The following DCAF1 variants were observed in gnomAD, a reference collection of about 807,000 sequenced individuals.
DCAF1 encodes DDB1 and CUL4 associated factor 1.
In DCAF1, 15 loss-of-function variants were observed where a neutral mutation model predicts 128.0. The ratio of observed to expected loss-of-function variants is 0.12; its 90% confidence interval spans 0.08 to 0.18. The LOEUF is 0.18. Ranked by LOEUF, DCAF1 falls within the 10% of genes least tolerant of loss-of-function variation. DCAF1 has a pLI of 1.00. For synonymous variants in DCAF1, 610 were observed against 603.0 expected, an observed-to-expected ratio of 1.01 and a Z score of -0.17; for missense variants, 988 against 1,649.5, an observed-to-expected ratio of 0.60 and a Z score of 6.95.
At chr3:51,458,808 A>G (rs1234145544) in intron 6 of DCAF1, among the ~76,000 whole-genome samples, 1 of 152,228 alleles carries the variant, frequency 6.6e-6, no homozygotes, top group Non-Finnish European at 1.5e-5. Context: ...CTGCTCCTGA[A>G]TGACTACTAG....
intron 24 of DCAF1, among the ~76,000 whole-genome samples, chr3:51,401,868 G>A (rs557848158): frequency 2.6e-5 from 4 of 152,284 alleles, no homozygotes; most frequent in Admixed American, 2.6e-4. Flanking sequence ...TGTCTGACCA[G>A]GCTTCGGCCT....
chr3:51,461,426 G>C (rs1313688424), intron 6 of DCAF1, among the ~76,000 whole-genome samples: 1 of 152,192 alleles, frequency 6.6e-6, no homozygotes, highest in Non-Finnish European at 1.5e-5. Context: ...GTGCTGGAGA[G>C]GATGCGGAGA....
At chr3:51,487,676 C>G (rs1707128267) in intron 2 of DCAF1, among the ~76,000 whole-genome samples, 1 of 151,806 alleles carries the variant, frequency 6.6e-6, no homozygotes, top group African/African-American at 2.4e-5. Context: ...CTTCTCTCCT[C>G]TTTCTCTCTC....
intron 14 of DCAF1, 37 bp downstream of exon 14, chr3:51,422,270 G>A (rs1699468586): frequency 5.4e-6 from 4 of 742,884 alleles, no homozygotes; most frequent in Non-Finnish European, 1.0e-5. Context: ...AACAAATCCA[G>A]ACCAAGAAAC....
intron 2 of DCAF1, among the ~76,000 whole-genome samples, chr3:51,493,475 G>C (rs1305579818): frequency 5.3e-5 from 8 of 151,598 alleles, no homozygotes; most frequent in African/African-American, 1.7e-4. Context: ...TTCAAACAAA[G>C]ACTTATACAC....
chr3:51,473,490 C>CAAAAAA (rs113483060), intron 3 of DCAF1, among the ~76,000 whole-genome samples: 1 of 22,824 alleles, frequency 4.4e-5, no homozygotes. Flanking sequence ...GACTCCATCT[C>CAAAAAA]AAAAAAAAAA....
chr3:51,421,203 G>C (rs1434554459), intron 14 of DCAF1, among the ~76,000 whole-genome samples: 1 of 151,998 alleles, frequency 6.6e-6, no homozygotes, highest in Non-Finnish European at 1.5e-5. Flanking sequence ...TATTAAATAG[G>C]GAAATCATGT....
chr3:51,461,507 T>C (rs1364927730), intron 6 of DCAF1, among the ~76,000 whole-genome samples: 1 of 152,016 alleles, frequency 6.6e-6, no homozygotes, highest in African/African-American at 2.4e-5. Flanking sequence ...AGTGTGGCGA[T>C]TCCTCAGGGA....
intron 23 of DCAF1, among the ~76,000 whole-genome samples, chr3:51,406,069 C>T (rs782052672): frequency 1.3e-5 from 2 of 151,830 alleles, no homozygotes; most frequent in East Asian, 3.9e-4. Context: ...ACAGGCCGGG[C>T]GTGGTGGCTC....
At chr3:51,421,324 T>C (rs1271150969) in intron 14 of DCAF1, among the ~76,000 whole-genome samples, 1 of 152,206 alleles carries the variant, frequency 6.6e-6, no homozygotes, top group African/African-American at 2.4e-5. Flanking sequence ...TGGCGTGATC[T>C]TGGCTCACTG....
At chr3:51,414,454 T>C (rs1698700916) in intron 19 of DCAF1, among the ~76,000 whole-genome samples, 170 bp downstream of exon 19, 1 of 152,356 alleles carries the variant, frequency 6.6e-6, no homozygotes, top group East Asian at 1.9e-4. Context: ...ATTACTAACA[T>C]TGGCAACAGT....
chr3:51,501,373 T>C (rs1708800063), upstream of DCAF1, among the ~76,000 whole-genome samples: 1 of 152,114 alleles, frequency 6.6e-6, no homozygotes, highest in African/African-American at 2.4e-5. Context: ...GTCCCTCTTG[T>C]GGGGCATAGA....
chr3:51,410,321 A>G (rs1698283054), intron 23 of DCAF1, among the ~76,000 whole-genome samples: 1 of 152,230 alleles, frequency 6.6e-6, no homozygotes. Flanking sequence ...CAGTCAAAAC[A>G]GTGAAGACCA....
intron 13 of DCAF1, among the ~76,000 whole-genome samples, chr3:51,422,795 G>C (rs1699525293): frequency 6.6e-6 from 1 of 152,116 alleles, no homozygotes; most frequent in African/African-American, 2.4e-5. Context: ...CAGGCACGGT[G>C]GCTCAAGCCT....
intron 13 of DCAF1, among the ~76,000 whole-genome samples, chr3:51,422,745 T>C (rs73834252): frequency 0.073 from 11,068 of 151,664 alleles, 968 homozygotes; most frequent in East Asian, 0.33. Flanking sequence ...TTGGTGAGAG[T>C]AGAAATTAGT....
At chr3:51,484,036 T>A (rs1706607117) in intron 2 of DCAF1, among the ~76,000 whole-genome samples, 200 bp from the exon 3 acceptor site, 2 of 152,174 alleles carry the variant, frequency 1.3e-5, no homozygotes, top group Admixed American at 1.3e-4. Flanking sequence ...CATTCAGTAG[T>A]GATGAACAAG....
At chr3:51,427,237 T>C in intron 13 of DCAF1, 135 bp downstream of exon 13, 1 of 562,004 alleles carries the variant, frequency 1.8e-6, no homozygotes, top group South Asian at 2.5e-5. Flanking sequence ...ATGCCTAATC[T>C]AATTTCTCAG....
chr3:51,434,667 C>T (rs1700660731), intron 9 of DCAF1, among the ~76,000 whole-genome samples: 1 of 152,140 alleles, frequency 6.6e-6, no homozygotes, highest in African/African-American at 2.4e-5. Context: ...ATCAATATAT[C>T]CCCAAAAGAA....
intron 13 of DCAF1, 121 bp from the exon 14 acceptor site, chr3:51,422,552 T>C (rs1553632874): frequency 3.1e-6 from 2 of 646,486 alleles, no homozygotes; most frequent in East Asian, 2.7e-5. Context: ...TCAGAAGCAC[T>C]ACCAGTGTGG....
Sources: gnomAD v4.1 joint callset for allele counts (sites outside exome capture counted in the v4.1 genomes callset) on GRCh38, gnomAD v4.1.1 for gene constraint, MANE v1.5 for transcripts, NCBI Gene and HGNC (gene_info 2026-07-23, HGNC 2026-07-21) for gene names.